Variants in PPARD observed in about 807,000 individuals in gnomAD.
PPARD encodes peroxisome proliferator-activated receptor delta.
PPARD carries 6 observed loss-of-function variants against 39.5 expected under a neutral mutation model. The ratio of observed to expected loss-of-function variants is 0.15; its 90% CI spans 0.08 to 0.30. The LOEUF (loss-of-function observed/expected upper bound fraction) is 0.30. Ranked by LOEUF, PPARD falls within the 10% of genes least tolerant of loss-of-function variation. The pLI is 1.00. For synonymous variants in PPARD, 210 were observed against 231.3 expected (o/e 0.91, Z 0.83); for missense variants, 397 against 596.8 (o/e 0.67, Z 3.49).
intron 3 of PPARD, 39 bp from the exon 4 acceptor site, chr6:35,420,088 G>A (rs142935946): frequency 3.6e-5 from 57 of 1,599,490 alleles, no homozygotes; most frequent in Non-Finnish European, 4.7e-5. Context: ...TTCCAGGCCT[G>A]GCAGCATGTG....
In PPARD at chr6:35,424,308, C is replaced by CT; in HGVS notation, c.628-20dup. On this transcript the variant is annotated intron_variant, in intron 6 of 7. Coordinates refer to ENST00000360694, the MANE Select transcript of PPARD (RefSeq NM_006238.5). The surrounding 1 kb of genome is among the most constrained non-coding windows in gnomAD (Gnocchi z 7.1). Reference sequence around the variant, plus strand: ...GTGGGGGTCTCCCGAGGCCTGATCTCTAACGGGGCCTGGTTTTCAGCCCTT... The same window carrying CT: ...GTGGGGGTCTCCCGAGGCCTGATCTCTTAACGGGGCCTGGTTTTCAGCCCTT... 6.2e-7 allele frequency: 1 copy of CT among 1,607,718 alleles called. No homozygotes were observed. The highest frequency in any genetic ancestry group is 8.5e-7 in the Non-Finnish European group (1 of 1,175,004).
chr6:35,421,628 CTG>C (rs1164391724), intron 4 of PPARD, among the ~76,000 whole-genome samples, 190 bp from the exon 5 acceptor site: 1 of 152,274 alleles, frequency 6.6e-6, no homozygotes, highest in Non-Finnish European at 1.5e-5. Context: ...GCGTGAGCCA[CTG>C]TGCCTGAACT....
chr6:35,344,468 C>A (rs1792051723), intron 1 of PPARD, among the ~76,000 whole-genome samples: 1 of 151,916 alleles, frequency 6.6e-6, no homozygotes, highest in Admixed American at 6.6e-5. Context: ...GGATGTTTAA[C>A]CTTACCAAGC....
chr6:35,405,929 CT>C (rs539098302), intron 2 of PPARD, among the ~76,000 whole-genome samples: 14 of 142,278 alleles, frequency 9.8e-5, no homozygotes, highest in Admixed American at 4.2e-4. Flanking sequence ...CGCACCTGGA[CT>C]TTTTTTTTTG....
chr6:35,409,857 A>G (rs1765310009), intron 2 of PPARD, among the ~76,000 whole-genome samples: 1 of 152,184 alleles, frequency 6.6e-6, no homozygotes, highest in Non-Finnish European at 1.5e-5. Context: ...AAGAAACCCA[A>G]TGTCCAAGCT....
intron 2 of PPARD, among the ~76,000 whole-genome samples, chr6:35,369,861 G>A (rs1762391676): frequency 6.6e-6 from 1 of 152,158 alleles, no homozygotes; most frequent in African/African-American, 2.4e-5. Context: ...AGCTCTTTGA[G>A]AACAGTCACC....
chr6:35,422,539 T>TC (rs1031905490), intron 5 of PPARD, among the ~76,000 whole-genome samples: 1 of 152,120 alleles, frequency 6.6e-6, no homozygotes, highest in African/African-American at 2.4e-5. Context: ...AGCCCACCTG[T>TC]CCCCTCAGTA....
Position 35,421,813 on chromosome 6 carries a change from G to A in PPARD, c.286-7G>A. The A allele has an allele frequency of 6.2e-7, 1 of 1,604,762 alleles. No individual in the cohort carries two copies. Among genetic ancestry groups the A allele is most frequent in the Non-Finnish European group, 8.5e-7 (1 of 1,174,484 alleles). ...TGGCCTTTCCTCACCTGTTCTTGGT[G>A]CTTCAGGGCTTCTTCCGTCGTACGA... On this transcript the variant is annotated splice_region_variant and splice_polypyrimidine_tract_variant and intron_variant, in intron 4 of 7. Transcript: ENST00000360694.
rs534485785 is a variant in PPARD, at chr6:35,344,849, C to G, written c.-186+2168C>G. 1.4e-4 allele frequency among the ~76,000 whole-genome samples: 22 copies of G among 152,292 alleles called. No individual in the cohort carries two copies. In the South Asian group the frequency reaches 4.4e-3, roughly 30 times the overall value. On this transcript the variant is annotated intron_variant, in intron 1 of 7. Transcript: ENST00000360694. ...TGGATGGCCTGTTGTTGAGCCAGTC[C>G]CTTCTCCACTGACCCCCAGACCCCC...
intron 2 of PPARD, among the ~76,000 whole-genome samples, chr6:35,380,481 T>G (rs1175145793): frequency 0.045 from 4,981 of 111,086 alleles, 149 homozygotes; most frequent in African/African-American, 0.097. Context: ...TGTTTGTTTT[T>G]TTTTTTTTTT....
intron 2 of PPARD, among the ~76,000 whole-genome samples, chr6:35,350,639 GA>G (rs1761185608): frequency 1.2e-5 from 1 of 82,008 alleles, no homozygotes; most frequent in African/African-American, 5.8e-5. Context: ...TTTTTTCTCT[GA>G]GACAGAGTTT....
At chr6:35,372,354 T>G (rs1257504569) in intron 2 of PPARD, among the ~76,000 whole-genome samples, 2 of 152,118 alleles carry the variant, frequency 1.3e-5, no homozygotes, top group African/African-American at 2.4e-5. Flanking sequence ...GTTTTTGTAT[T>G]TTTTAGTAGA....
chr6:35,426,267 G>C lies in PPARD; in HGVS notation c.*188G>C. The stretch of plus-strand genomic sequence containing the variant: ...CCCTCTCTCCCGCTTCCTCCAGCCA[G>C]CTCTCTTCCTGTCTTTGTTGTCTCC... On this transcript the variant is annotated 3_prime_UTR_variant, in exon 8 of 8. Transcript: ENST00000360694. 1 of 690,262 alleles carries C rather than the reference G, an allele frequency of 1.4e-6. No individual in the cohort carries two copies. The highest frequency in any genetic ancestry group is 2.4e-6 in the Non-Finnish European group (1 of 420,092). The allele number at this position is 690,262 out of a possible 1,614,324, so 42.8% of individuals were successfully genotyped here.
At position 35,401,117 on chromosome 6, in the gene PPARD, G is replaced by A. The variant is rs756143971; in HGVS notation, c.-101-9870G>A. 1.6e-4 allele frequency among the ~76,000 whole-genome samples: 25 copies of A among 152,182 alleles called. No individual in the cohort carries two copies. Among genetic ancestry groups the A allele is most frequent in the Middle Eastern group, 3.2e-3 (1 of 316 alleles). ...GGAGGGCAGAGCAGGAACAGGCCTT[G>A]GAGATGATCTAATTCTGACATTTTA... is the stretch of plus-strand genomic sequence containing the variant. On this transcript the variant is annotated intron_variant, in intron 2 of 7. Coordinates refer to ENST00000360694, the MANE Select transcript of PPARD (RefSeq NM_006238.5). This position sits in a 1 kb window ranked among gnomAD's most constrained non-coding sequence, Gnocchi z 4.1.
intron 2 of PPARD, among the ~76,000 whole-genome samples, chr6:35,407,168 G>C (rs1374616579): frequency 6.6e-6 from 1 of 152,202 alleles, no homozygotes; most frequent in Non-Finnish European, 1.5e-5. Context: ...ATACCAGGCA[G>C]TATTGTAGCT....
At chr6:35,372,700 A>G (rs1332655332) in intron 2 of PPARD, among the ~76,000 whole-genome samples, 1 of 152,232 alleles carries the variant, frequency 6.6e-6, no homozygotes, top group Non-Finnish European at 1.5e-5. Flanking sequence ...CTAGGAGGGC[A>G]TGTGGAATTA....
intron 3 of PPARD, among the ~76,000 whole-genome samples, chr6:35,416,391 A>C (rs771798726): frequency 0.062 from 8,979 of 145,696 alleles, 816 homozygotes; most frequent in African/African-American, 0.16. Flanking sequence ...AAAAAAAAAA[A>C]AAAAAAAAAA....
intron 4 of PPARD, 69 bp downstream of exon 4, chr6:35,420,350 AGCTTTCCTT>A (rs991867247): frequency 3.7e-5 from 56 of 1,496,388 alleles, no homozygotes; most frequent in Middle Eastern, 3.6e-4. Context: ...CCCTCCACAA[AGCTTTCCTT>A]GCCTTGGGGT....
At chr6:35,360,477 G>A (rs1356473353) in intron 2 of PPARD, among the ~76,000 whole-genome samples, 1 of 152,228 alleles carries the variant, frequency 6.6e-6, no homozygotes. Flanking sequence ...ACAAGGTGTA[G>A]GATCAGAGAG....
Sources: gnomAD v4.1 joint callset for allele counts (sites outside exome capture counted in the v4.1 genomes callset) on GRCh38, gnomAD v4.1.1 for gene constraint, Gnocchi (gnomAD v3.1) non-coding constraint, MANE v1.5 for transcripts, NCBI Gene and HGNC (gene_info 2026-07-23, HGNC 2026-07-21) for gene names.